RSL1D1: variants seen among roughly 807,000 people sequenced by gnomAD.
The protein encoded by RSL1D1 is ribosomal L1 domain-containing protein 1.
In RSL1D1, 34 loss-of-function variants were observed where a neutral mutation model predicts 44.6. That is an observed-to-expected ratio of 0.76 (90% CI 0.58 to 1.02). The LOEUF is 1.02. RSL1D1 is among the 50% of genes least tolerant of loss of function. The pLI is 0.00. For synonymous variants in RSL1D1, 271 were observed against 207.4 expected (o/e 1.31, Z -2.63); for missense variants, 767 against 568.1 (o/e 1.35, Z -3.56).
rs1019060063 is a variant in RSL1D1, at chr16:11,837,542, G to C, written c.*245C>G. On this transcript the variant is annotated 3_prime_UTR_variant, in exon 9 of 9. Transcript: ENST00000571133. ...ATTTTTGTATTTTTGGTACAGACAGGGTTTCACCATGTTGGCCAGGATGGT... is the reference window on the plus strand; with the variant it reads ...ATTTTTGTATTTTTGGTACAGACAGCGTTTCACCATGTTGGCCAGGATGGT... The C allele has an allele frequency of 5.2e-6, 2 of 383,600 alleles. No individual in the cohort carries two copies. The highest frequency in any genetic ancestry group is 9.4e-6 in the Non-Finnish European group (2 of 212,882). 23.8% of individuals were successfully genotyped at this position (383,600 alleles called of 1,614,324 possible). A position where few individuals can be genotyped will look rare whatever the true frequency, so the allele number is the denominator to read the frequency against.
At chr16:11,846,392 C>T (rs1242482303) in intron 5 of RSL1D1, 109 bp downstream of exon 5, 1 of 616,764 alleles carries the variant, frequency 1.6e-6, no homozygotes, top group Non-Finnish European at 2.7e-6. Flanking sequence ...AAGACTCCAT[C>T]TCAAAAAAAA....
In RSL1D1 at chr16:11,846,683, T is replaced by A; in HGVS notation, c.533+12A>T. 6.2e-7 allele frequency: 1 copy of A among 1,613,628 alleles called. No individual in the cohort carries two copies. The highest frequency in any genetic ancestry group is 1.1e-5 in the South Asian group (1 of 91,064). ...CATGCTGCTAAAGTCCAGTCATTACTAAGAAACTTACTTCTTTCTTTGATA... is the reference window on the plus strand; with the variant it reads ...CATGCTGCTAAAGTCCAGTCATTACAAAGAAACTTACTTCTTTCTTTGATA... On this transcript the variant is annotated intron_variant, in intron 4 of 8. Coordinates refer to ENST00000571133, the MANE Select transcript of RSL1D1 (RefSeq NM_015659.3).
In RSL1D1 at chr16:11,847,494, CCT is replaced by C. The variant is rs2053807297; in HGVS notation, c.384+172_384+173del. ...AAGTACAGAGGAATGACACGAGCCACCTCTTTTATAATTTGCAAGATATAAAA... is the reference window on the plus strand; with the variant it reads ...AAGTACAGAGGAATGACACGAGCCACCTTTTATAATTTGCAAGATATAAAA... On this transcript the variant is annotated intron_variant, in intron 3 of 8. Coordinates refer to ENST00000571133, the MANE Select transcript of RSL1D1 (RefSeq NM_015659.3). 1.6e-5 allele frequency: 9 copies of C among 579,700 alleles called. No homozygotes were observed. The East Asian group carries it at 2.6e-4, about 17-fold the overall frequency. The allele number at this position is 579,700 out of a possible 1,614,324, so 35.9% of individuals were successfully genotyped here. A position where few individuals can be genotyped will look rare whatever the true frequency, so the allele number is the denominator to read the frequency against.
chr16:11,848,637 C>A (rs775817232), intron 2 of RSL1D1, among the ~76,000 whole-genome samples: 4 of 152,078 alleles, frequency 2.6e-5, no homozygotes, highest in Non-Finnish European at 5.9e-5. Context: ...CAGGCACGTA[C>A]CAGTTGGGTG....
Position 11,838,415 on chromosome 16 carries a change from G to C in RSL1D1, c.1147-302C>G, listed in dbSNP as rs112974151. Among the ~76,000 whole-genome samples the C allele has an allele frequency of 3.0e-3, 453 of 151,914 alleles. 5 individuals are homozygous for C. The highest frequency in any genetic ancestry group is 0.01 in the African/African-American group (433 of 41,426). ...TGACCTCAGGTGATCCACCTGCCTC[G>C]GCCTCCCAAAGTGCTAGGATTACAG... On this transcript the variant is annotated intron_variant, in intron 8 of 8. Transcript: ENST00000571133.
intron 5 of RSL1D1, among the ~76,000 whole-genome samples, chr16:11,842,367 C>A (rs2053769228): frequency 6.6e-6 from 1 of 151,972 alleles, no homozygotes; most frequent in African/African-American, 2.4e-5. Context: ...ACAAAAAAAT[C>A]CCATTAAAAT....
chr16:11,839,940 C>A lies in RSL1D1; in HGVS notation c.901G>T (p.Glu301Ter). The change falls in exon 8 of 9, where the codon GAG (glutamate) becomes TAG (stop). Residue 301 changes from glutamate to a stop codon, truncating the protein, a stop_gained. Transcript: ENST00000571133. LOFTEE classifies it high-confidence loss of function. ...RRERNFEKQK[E>*]RKKKRQQARK... ...GCCTGCTGCCTCTTCTTCTTCCTCTCCTTTTGTTTTTCAAAATTTCTTTCT... is the reference window on the plus strand; with the variant it reads ...GCCTGCTGCCTCTTCTTCTTCCTCTACTTTTGTTTTTCAAAATTTCTTTCT... The A allele has an allele frequency of 6.2e-7, 1 of 1,612,294 alleles. No homozygotes were observed. The highest frequency in any genetic ancestry group is 8.5e-7 in the Non-Finnish European group (1 of 1,179,576).
chr16:11,845,452 T>C (rs2053790978), intron 5 of RSL1D1, among the ~76,000 whole-genome samples: 1 of 152,232 alleles, frequency 6.6e-6, no homozygotes, highest in Non-Finnish European at 1.5e-5. Flanking sequence ...GCTCAAAGCC[T>C]AGAACTAGTC....
At chr16:11,840,038 C>T (rs762361104) in intron 7 of RSL1D1, 53 bp from the exon 8 acceptor site, 978 of 1,584,146 alleles carry the variant, frequency 6.2e-4, no homozygotes, top group Non-Finnish European at 7.7e-4. Context: ...TGTTGGTTAA[C>T]AAACGGCATA....
chr16:11,851,357 C>A, intron 1 of RSL1D1, 51 bp downstream of exon 1: 3 of 1,554,966 alleles, frequency 1.9e-6, no homozygotes, highest in Admixed American at 1.7e-5. Flanking sequence ...CTGCGCCTCA[C>A]GAGGTAACCG....
At chr16:11,845,404 G>C (rs762120989) in intron 5 of RSL1D1, among the ~76,000 whole-genome samples, 3 of 152,212 alleles carry the variant, frequency 2.0e-5, no homozygotes, top group Non-Finnish European at 4.4e-5. Flanking sequence ...AGTGAACTGT[G>C]ACTGCACCAC....
At position 11,839,953 on chromosome 16, in the gene RSL1D1, A is replaced by G. The variant is rs766147302; in HGVS notation, c.888T>C (p.Phe296=). The change falls in exon 8 of 9, where the codon TTT becomes TTC. Residue 296 remains phenylalanine (F), a synonymous_variant. Coordinates refer to ENST00000571133, the MANE Select transcript of RSL1D1 (RefSeq NM_015659.3). The part of the protein sequence containing the change: ...EARRKRRERN[F]EKQKERKKKR... ...TCTTCTTCCTCTCCTTTTGTTTTTCAAAATTTCTTTCTCTTCGTTTTCTCC... is the reference window on the plus strand; with the variant it reads ...TCTTCTTCCTCTCCTTTTGTTTTTCGAAATTTCTTTCTCTTCGTTTTCTCC... 1.2e-6 allele frequency: 2 copies of G among 1,612,238 alleles called. No homozygotes were observed.
Position 11,846,622 on chromosome 16 carries a change from G to A in RSL1D1, c.534-20C>T, listed in dbSNP as rs776382507. ...GGAACTCTACAAAATAAACACACAG[G>A]CATTCAGAACACAATGCATACACAC... On this transcript the variant is annotated intron_variant, in intron 4 of 8. Coordinates refer to ENST00000571133, the MANE Select transcript of RSL1D1 (RefSeq NM_015659.3). 1.6e-5 allele frequency: 26 copies of A among 1,604,782 alleles called. No individual in the cohort carries two copies. The highest frequency in any genetic ancestry group is 5.0e-5 in the Admixed American group (3 of 59,594).
intron 1 of RSL1D1, 73 bp downstream of exon 1, chr16:11,851,335 G>T: frequency 1.4e-6 from 2 of 1,419,240 alleles, no homozygotes; most frequent in Non-Finnish European, 1.0e-6. Flanking sequence ...CACGCACTCG[G>T]GTTCCGGCAC....
chr16:11,835,369 A>G lies in RSL1D1; in HGVS notation c.*2418T>C, dbSNP rs561335777. 6.6e-6 allele frequency: 1 copy of G among 151,766 alleles called. No homozygotes were observed. Among genetic ancestry groups the G allele is most frequent in the Non-Finnish European group, 1.5e-5 (1 of 68,056 alleles). The allele number at this position is 151,766 out of a possible 1,614,324, so 9.4% of individuals were successfully genotyped here. A position where few individuals can be genotyped will look rare whatever the true frequency, so the allele number is the denominator to read the frequency against. ...GCTAGTTTTTGTATTTTTAGTAGAG[A>G]TGGGGTTTCACCATGTAAGCCAGGC... is the stretch of plus-strand genomic sequence containing the variant. On this transcript the variant is annotated 3_prime_UTR_variant, in exon 9 of 9. Transcript: ENST00000571133.
In RSL1D1 at chr16:11,837,631, T is replaced by TCA; in HGVS notation, c.*155_*156insTG. On this transcript the variant is annotated 3_prime_UTR_variant, in exon 9 of 9. Coordinates refer to ENST00000571133, the MANE Select transcript of RSL1D1 (RefSeq NM_015659.3). ...TCCCAAAGTGCTGGGATTACAGGCG[T>TCA]GAGCCACCGCCCCTGGACTACTTAT... The TCA allele has an allele frequency of 1.5e-6, 1 of 677,374 alleles. No individual in the cohort carries two copies. Among genetic ancestry groups the TCA allele is most frequent in the Non-Finnish European group, 2.5e-6 (1 of 400,940 alleles). The allele number at this position is 677,374 out of a possible 1,614,324, so 42.0% of individuals were successfully genotyped here.
At chr16:11,839,609 T>TC (rs1281438372) in intron 8 of RSL1D1, 86 bp downstream of exon 8, 1 of 1,526,258 alleles carries the variant, frequency 6.6e-7, no homozygotes, top group East Asian at 2.3e-5. Flanking sequence ...CTAGTATTTT[T>TC]CATCATTTAT....
chr16:11,840,736 C>G (rs1038418494), intron 7 of RSL1D1, among the ~76,000 whole-genome samples: 4 of 152,164 alleles, frequency 2.6e-5, no homozygotes, highest in Non-Finnish European at 5.9e-5. Flanking sequence ...CAGGAGGTAT[C>G]TGTGAGCATA....
rs760756570 is a variant in RSL1D1, at chr16:11,837,949, CTCT to C, written c.1308_1310del (p.Glu437del). 11 of 1,613,878 alleles carry C rather than the reference CTCT, an allele frequency of 6.8e-6. No individual in the cohort carries two copies. The highest frequency in any genetic ancestry group is 5.3e-5 in the African/African-American group (4 of 74,838). ...GCGAAGGACTTTTTTCCTTCACTGC[CTCT>C]TCTTTGATTTTTGGCTTCTTCTCTG... On this transcript the variant is annotated inframe_deletion, in exon 9 of 9. Transcript: ENST00000571133.
Sources: gnomAD v4.1 joint callset for allele counts (sites outside exome capture counted in the v4.1 genomes callset) on GRCh38, gnomAD v4.1.1 for gene constraint, MANE v1.5 for transcripts, NCBI Gene and HGNC (gene_info 2026-07-23, HGNC 2026-07-21) for gene names.